The following QKI variants were observed in gnomAD, a reference collection of about 807,000 sequenced individuals.
QKI encodes KH domain-containing RNA-binding protein QKI.
Under a neutral mutation model 39.0 loss-of-function variants are expected in QKI, and 10 were observed. The observed-to-expected ratio is 0.26, with a 90% CI of 0.16 to 0.43. The LOEUF is 0.43. QKI is among the 20% of genes least tolerant of loss of function. The pLI, the probability that QKI is intolerant of heterozygous loss-of-function variation, is 1.00. For missense variants in QKI, 218 were observed against 428.0 expected (o/e 0.51, Z 4.33); for synonymous variants, 204 against 155.4 (o/e 1.31, Z -2.33).
At chr6:163,516,150 G>T (rs1779780455) in intron 3 of QKI, among the ~76,000 whole-genome samples, 1 of 152,046 alleles carries the variant, frequency 6.6e-6, no homozygotes, top group Non-Finnish European at 1.5e-5. Flanking sequence ...AGGAGTGCAG[G>T]CAATTTTTAG....
At chr6:163,519,427 GTGA>G (rs1562507723) in intron 3 of QKI, among the ~76,000 whole-genome samples, 1 of 151,976 alleles carries the variant, frequency 6.6e-6, no homozygotes. Flanking sequence ...AAGAGTGGGT[GTGA>G]TGATATTTTT....
At chr6:163,570,090 G>T in intron 7 of QKI, 3 of 986,030 alleles carry the variant, frequency 3.0e-6, no homozygotes, top group Non-Finnish European at 3.6e-6. Context: ...GAAATTCCAT[G>T]TTGTTTGTAA....
At chr6:163,509,487 GGA>G (rs1217185657) in intron 3 of QKI, among the ~76,000 whole-genome samples, 12 of 151,998 alleles carry the variant, frequency 7.9e-5, no homozygotes, top group African/African-American at 2.9e-4. Flanking sequence ...AAGGGGGGGG[GGA>G]ATAGTATTGT....
chr6:163,505,673 T>G (rs116225216), intron 3 of QKI, among the ~76,000 whole-genome samples: 2,993 of 152,270 alleles, frequency 0.02, 96 homozygotes, highest in African/African-American at 0.068. Context: ...GTACACCCAT[T>G]CTATCTTGGA....
chr6:163,415,368 A>AC, intron 1 of QKI, 33 bp downstream of exon 1: 1 of 1,399,618 alleles, frequency 7.1e-7, no homozygotes. Context: ...CCCCGGCCCG[A>AC]CCCCCGCCGG....
chr6:163,475,857 C>T (rs535590628), intron 2 of QKI, among the ~76,000 whole-genome samples: 1 of 152,058 alleles, frequency 6.6e-6, no homozygotes, highest in Admixed American at 6.5e-5. Flanking sequence ...AAACACTAAC[C>T]ATGAAGATAA....
At chr6:163,462,547 T>A (rs1791431815) in intron 2 of QKI, among the ~76,000 whole-genome samples, 1 of 152,250 alleles carries the variant, frequency 6.6e-6, no homozygotes, top group African/African-American at 2.4e-5. Context: ...AGTTTCTTTG[T>A]ACTTTTAAGA....
chr6:163,552,173 A>G (rs1782269620), intron 4 of QKI, among the ~76,000 whole-genome samples: 1 of 151,436 alleles, frequency 6.6e-6, no homozygotes, highest in African/African-American at 2.4e-5. Flanking sequence ...TTGCTATTGA[A>G]GCAGAAGTGG....
At chr6:163,469,190 C>G (rs1477725835) in intron 2 of QKI, among the ~76,000 whole-genome samples, 1 of 152,030 alleles carries the variant, frequency 6.6e-6, no homozygotes, top group East Asian at 1.9e-4. Flanking sequence ...GGTAGAAGCC[C>G]TTTTCTATGT....
chr6:163,517,402 G>A (rs1009786653), intron 3 of QKI, among the ~76,000 whole-genome samples: 7 of 152,016 alleles, frequency 4.6e-5, no homozygotes, highest in African/African-American at 1.7e-4. Context: ...TATCTAGAGT[G>A]GTTTTTTGTT....
chr6:163,440,703 T>C (rs561450434), intron 1 of QKI, among the ~76,000 whole-genome samples: 104 of 152,366 alleles, frequency 6.8e-4, no homozygotes, highest in Non-Finnish European at 1.3e-3. Context: ...CTGCTTCAAC[T>C]ATAGTTTTTG....
chr6:163,564,853 G>A (rs1482632263), intron 6 of QKI: 6 of 1,449,988 alleles, frequency 4.1e-6, no homozygotes, highest in Non-Finnish European at 5.5e-6. Context: ...CCTTGGTGCT[G>A]CATGCATGCT....
At chr6:163,516,376 C>T (rs1779800139) in intron 3 of QKI, among the ~76,000 whole-genome samples, 1 of 152,086 alleles carries the variant, frequency 6.6e-6, no homozygotes, top group Admixed American at 6.6e-5. Context: ...ATCACTGCAA[C>T]TTCTGCCTCC....
intron 2 of QKI, among the ~76,000 whole-genome samples, chr6:163,462,151 T>G (rs1791402857): frequency 6.6e-6 from 1 of 152,208 alleles, no homozygotes; most frequent in Non-Finnish European, 1.5e-5. Context: ...AGACAAGGTT[T>G]CACTGTGTTG....
At chr6:163,434,491 G>A (rs1400258168) in intron 1 of QKI, among the ~76,000 whole-genome samples, 2 of 151,952 alleles carry the variant, frequency 1.3e-5, no homozygotes, top group Non-Finnish European at 2.9e-5. Context: ...TGAGGCGGGC[G>A]GATCATGAGG....
chr6:163,567,374 T>A (rs554122412), intron 7 of QKI: 14 of 984,744 alleles, frequency 1.4e-5, no homozygotes, highest in African/African-American at 3.5e-5. Flanking sequence ...TGGATTTTTT[T>A]ATATAAATTA....
At chr6:163,520,024 A>T (rs1335080398) in intron 3 of QKI, among the ~76,000 whole-genome samples, 2 of 152,170 alleles carry the variant, frequency 1.3e-5, no homozygotes, top group African/African-American at 4.8e-5. Flanking sequence ...CTTTCTTGTC[A>T]CCAGTGAAAC....
rs1554271511 is a variant in QKI, at chr6:163,517,094, T to TCTCTCTCTAG, written c.403-17869_403-17860dup. ...CTCTCTCTCTCTTTCTCTCTCTCTC[T>TCTCTCTCTAG]CTCTCTCTAGCTCTCTCTAGCTCTC... On this transcript the variant is annotated intron_variant, in intron 3 of 7. Transcript: ENST00000361752. 3.1e-3 allele frequency among the ~76,000 whole-genome samples: 462 copies of TCTCTCTCTAG among 149,492 alleles called. 1 individual carries two copies. The highest frequency in any genetic ancestry group is 0.011 in the African/African-American group (442 of 39,278).
chr6:163,485,503 A>G lies in QKI; in HGVS notation c.402+6607A>G, dbSNP rs137880548. Among the ~76,000 whole-genome samples, 403 of 152,276 alleles carry G rather than the reference A, an allele frequency of 2.6e-3. 2 individuals are homozygous for G. The highest frequency in any genetic ancestry group is 9.3e-3 in the African/African-American group (388 of 41,558). Reference sequence around the variant, plus strand: ...GTTCACCCTTTGGGTATATATATGCATGGTCATTGTAGGGGACACCATTTG... The same window carrying G: ...GTTCACCCTTTGGGTATATATATGCGTGGTCATTGTAGGGGACACCATTTG... On this transcript the variant is annotated intron_variant, in intron 3 of 7. Coordinates refer to ENST00000361752, the MANE Select transcript of QKI (RefSeq NM_006775.3).
Sources: gnomAD v4.1 joint callset for allele counts (sites outside exome capture counted in the v4.1 genomes callset) on GRCh38, gnomAD v4.1.1 for gene constraint, MANE v1.5 for transcripts, NCBI Gene and HGNC (gene_info 2026-07-23, HGNC 2026-07-21) for gene names.